The following TNS3 variants were observed in gnomAD, a reference collection of about 807,000 sequenced individuals.
The protein encoded by TNS3 is tensin-3.
A neutral mutation model predicts 140.9 loss-of-function variants in TNS3; 45 were observed. The ratio of observed to expected loss-of-function variants is 0.32; its 90% CI spans 0.25 to 0.41. The LOEUF is 0.41. TNS3 is among the 10% of genes least tolerant of loss of function. TNS3 has a pLI of 1.00. For missense variants in TNS3, 1,716 were observed against 1,906.7 expected (o/e 0.90, Z 1.86); for synonymous variants, 815 against 788.4 (o/e 1.03, Z -0.56).
chr7:47,280,123 T>TTTGGA, intron 30 of TNS3, 41 bp downstream of exon 30: 5 of 1,612,926 alleles, frequency 3.1e-6, no homozygotes, highest in Non-Finnish European at 4.2e-6. Context: ...GGAGTACAAC[T>TTTGGA]GCAGACAAGG....
At chr7:47,487,128 G>A (rs756599924) in intron 3 of TNS3, among the ~76,000 whole-genome samples, 11 of 152,004 alleles carry the variant, frequency 7.2e-5, no homozygotes, top group Admixed American at 1.3e-4. Flanking sequence ...GCAAAACCCC[G>A]TCTCTACTAA....
At chr7:47,456,409 A>G (rs1185084275) in intron 4 of TNS3, among the ~76,000 whole-genome samples, 5 of 152,226 alleles carry the variant, frequency 3.3e-5, no homozygotes, top group Admixed American at 1.3e-4. Context: ...TAGAAGCCTC[A>G]GATTCCCCAC....
At chr7:47,483,227 T>G (rs1797489366) in intron 3 of TNS3, among the ~76,000 whole-genome samples, 1 of 151,586 alleles carries the variant, frequency 6.6e-6, no homozygotes, top group Non-Finnish European at 1.5e-5. Context: ...TAGAGTGCAG[T>G]GGCACGATCT....
intron 4 of TNS3, among the ~76,000 whole-genome samples, chr7:47,465,700 G>GGATCA (rs1266203305): frequency 6.6e-6 from 1 of 152,098 alleles, no homozygotes; most frequent in Non-Finnish European, 1.5e-5. Context: ...CGAGGTGGGA[G>GGATCA]GATCACCTGA....
At chr7:47,452,890 C>T (rs1031635809) in intron 4 of TNS3, 64 of 984,558 alleles carry the variant, frequency 6.5e-5, no homozygotes, top group Non-Finnish European at 7.1e-5. Flanking sequence ...GTGCCCAGTG[C>T]CAGCCCAGCC....
chr7:47,553,896 C>T (rs986569028), intron 1 of TNS3, among the ~76,000 whole-genome samples: 1 of 151,866 alleles, frequency 6.6e-6, no homozygotes, highest in Non-Finnish European at 1.5e-5. Context: ...ACCTCCACCT[C>T]GAGGTTCAAG....
chr7:47,346,218 G>C lies in TNS3; in HGVS notation c.2420C>G (p.Pro807Arg). Residue 807 changes from proline (P) to arginine (R), a missense_variant, in exon 18 of 31, where the codon CCG becomes CGG. Transcript: ENST00000311160. Reference protein sequence around the residue: ...KAGVDYAPNLPPFPSPADVKE... With the variant: ...KAGVDYAPNLRPFPSPADVKE... ...GACGTCCGCTGGTGAGGGGAATGGC[G>C]GCAGGTTTGGGGCATAGTCCACACC... The C allele has an allele frequency of 6.2e-7, 1 of 1,614,194 alleles. No homozygotes were observed. Among genetic ancestry groups the C allele is most frequent in the Non-Finnish European group, 8.5e-7 (1 of 1,180,022 alleles).
rs1285038831 is a variant in TNS3, at chr7:47,400,755, A to G, written c.853+30T>C. 8 of 1,610,412 alleles carry G rather than the reference A, an allele frequency of 5.0e-6. No individual in the cohort carries two copies. In the South Asian group the frequency reaches 6.6e-5, roughly 13 times the overall value. On this transcript the variant is annotated intron_variant, in intron 14 of 30. Transcript: ENST00000311160. Reference sequence around the variant, plus strand: ...AGGAGGTTCAACCGCAGCTGCCCACAAGCACAGGGCCGCCAGCTCCGCGCC... The same window carrying G: ...AGGAGGTTCAACCGCAGCTGCCCACGAGCACAGGGCCGCCAGCTCCGCGCC...
intron 16 of TNS3, among the ~76,000 whole-genome samples, chr7:47,386,104 T>C (rs1259396734): frequency 6.6e-6 from 1 of 152,266 alleles, no homozygotes; most frequent in African/African-American, 2.4e-5. Context: ...TAGTGAAGTC[T>C]GAAAGACTAC....
intron 17 of TNS3, among the ~76,000 whole-genome samples, chr7:47,364,277 ATT>A (rs10566032): frequency 0.013 from 1,407 of 110,660 alleles, 20 homozygotes; most frequent in African/African-American, 0.039. Flanking sequence ...GTAAGCAATA[ATT>A]TTTTTTTTTT....
chr7:47,505,254 C>T (rs926586129), intron 3 of TNS3, among the ~76,000 whole-genome samples: 1 of 152,068 alleles, frequency 6.6e-6, no homozygotes, highest in African/African-American at 2.4e-5. Context: ...AATGCTCCCC[C>T]AAAGGTACAA....
chr7:47,309,768 T>G (rs1786976470), intron 20 of TNS3, among the ~76,000 whole-genome samples: 1 of 152,236 alleles, frequency 6.6e-6, no homozygotes, highest in Non-Finnish European at 1.5e-5. Context: ...AACCCTTATC[T>G]ATCAAAGATG....
chr7:47,344,806 G>A lies in TNS3; in HGVS notation c.2599C>T (p.Pro867Ser), dbSNP rs1789231937. 6.2e-7 allele frequency: 1 copy of A among 1,613,570 alleles called. No individual in the cohort carries two copies. The highest frequency in any genetic ancestry group is 8.5e-7 in the Non-Finnish European group (1 of 1,180,028). Residue 867 changes from proline to serine, a missense_variant, in exon 20 of 31, where the codon CCA (proline) becomes TCA (serine). This residue lies in a region of TNS3 where 1,163 missense variants were observed against 1,182.1 expected (regional missense o/e 0.98). Coordinates refer to ENST00000311160, the MANE Select transcript of TNS3 (RefSeq NM_022748.12). Reference protein sequence around the residue: ...KTALRHPPFSPPEPPLSSPAS... With the variant: ...KTALRHPPFSSPEPPLSSPAS... ...GGGCTGCTCAGCGGGGGCTCAGGTGGGCTGAACGGAGGATGGCGCAGCGCT... is the reference window on the plus strand; with the variant it reads ...GGGCTGCTCAGCGGGGGCTCAGGTGAGCTGAACGGAGGATGGCGCAGCGCT...
At chr7:47,579,909 G>A (rs1299106868) in intron 1 of TNS3, 12 of 944,186 alleles carry the variant, frequency 1.3e-5, no homozygotes, top group Non-Finnish European at 1.4e-5. Context: ...CAGTGGAAGA[G>A]CATACTTTGA....
intron 20 of TNS3, among the ~76,000 whole-genome samples, chr7:47,322,353 C>T (rs1415415099): frequency 1.3e-5 from 2 of 152,000 alleles, no homozygotes; most frequent in African/African-American, 4.8e-5. Flanking sequence ...GAAACCCCGT[C>T]TCTACTAAAA....
intron 13 of TNS3, among the ~76,000 whole-genome samples, chr7:47,404,868 A>G (rs1793357791): frequency 6.6e-6 from 1 of 151,972 alleles, no homozygotes; most frequent in Admixed American, 6.6e-5. Context: ...TGGGTGACAG[A>G]GAGACACTCA....
intron 2 of TNS3, among the ~76,000 whole-genome samples, chr7:47,513,428 CA>C (rs1798674738): frequency 6.6e-6 from 1 of 152,180 alleles, no homozygotes; most frequent in Admixed American, 6.5e-5. Context: ...CTCGGCGTCC[CA>C]AAATGCTGGG....
intron 16 of TNS3, among the ~76,000 whole-genome samples, chr7:47,389,854 A>C (rs753878252): frequency 6.6e-6 from 1 of 152,184 alleles, no homozygotes; most frequent in Non-Finnish European, 1.5e-5. Flanking sequence ...AGAGGGAGGA[A>C]ATCTCAGGCT....
In TNS3 at chr7:47,369,057, C is replaced by T; in HGVS notation, c.1589G>A (p.Gly530Asp). The T allele has an allele frequency of 1.2e-6, 2 of 1,614,094 alleles. No homozygotes were observed. The highest frequency in any genetic ancestry group is 2.2e-5 in the East Asian group (1 of 44,876). ...AACGAGGGTGCCCTGCGGATCTTCA[C>T]CAACGTTGCTGCCAAAACCGTCAGA... The part of the protein sequence containing the change: ...LLSDGFGSNV[G>D]EDPQGTLVPD... Residue 530 changes from glycine (G) to aspartate (D), a missense_variant, in exon 17 of 31, where the codon GGT becomes GAT. This residue lies in a region of TNS3 where 1,163 missense variants were observed against 1,182.1 expected (regional missense o/e 0.98). Transcript: ENST00000311160.
Sources: allele counts gnomAD v4.1 joint callset (sites outside exome capture counted in the v4.1 genomes callset), GRCh38; gene constraint gnomAD v4.1.1; regional missense constraint gnomAD v4.1.1; transcripts MANE v1.5; gene names NCBI Gene and HGNC (gene_info 2026-07-23, HGNC 2026-07-21).